Variants in DOP1A observed in about 807,000 individuals in gnomAD.
DOP1A encodes the protein protein DOP1A.
DOP1A carries 90 observed loss-of-function variants against 267.6 expected under a neutral mutation model. The observed-to-expected ratio is 0.34, with a 90% CI of 0.28 to 0.40. DOP1A has a LOEUF of 0.40. Ranked by LOEUF, DOP1A falls within the 10% of genes least tolerant of loss-of-function variation. DOP1A has a pLI of 1.00. For missense variants in DOP1A, 2,437 were observed against 2,900.4 expected, an observed-to-expected ratio of 0.84 and a Z score of 3.67; for synonymous variants, 932 against 999.1, an observed-to-expected ratio of 0.93 and a Z score of 1.27.
chr6:83,136,230 T>C (rs1778844207), intron 20 of DOP1A, among the ~76,000 whole-genome samples: 1 of 152,180 alleles, frequency 6.6e-6, no homozygotes, highest in Non-Finnish European at 1.5e-5. Context: ...AAATCTGTAA[T>C]GCACATTTTG....
chr6:83,080,842 A>G (rs9444031), intron 1 of DOP1A, among the ~76,000 whole-genome samples: 4,323 of 152,308 alleles, frequency 0.028, 152 homozygotes, highest in East Asian at 0.084. Flanking sequence ...AACAATCTAC[A>G]GATTCAATAC....
intron 31 of DOP1A, 45 bp downstream of exon 31, chr6:83,153,665 G>C: frequency 1.4e-6 from 2 of 1,451,300 alleles, no homozygotes; most frequent in Non-Finnish European, 1.9e-6. Context: ...TTCATAGCCT[G>C]TTAGAAACAA....
chr6:83,160,109 A>G (rs1020109250), intron 37 of DOP1A, 149 bp downstream of exon 37: 11 of 777,120 alleles, frequency 1.4e-5, no homozygotes, highest in Non-Finnish European at 2.2e-5. Flanking sequence ...CAGCAGAGTT[A>G]TCGGAAGTAA....
At chr6:83,103,152 T>C (rs1784736372) in intron 4 of DOP1A, among the ~76,000 whole-genome samples, 1 of 152,106 alleles carries the variant, frequency 6.6e-6, no homozygotes, top group African/African-American at 2.4e-5. Flanking sequence ...AATCTGTGAA[T>C]TGGATAAAAA....
At chr6:83,105,177 A>T (rs942364895) in intron 4 of DOP1A, among the ~76,000 whole-genome samples, 4 of 152,126 alleles carry the variant, frequency 2.6e-5, no homozygotes, top group African/African-American at 9.7e-5. Flanking sequence ...TCTTACTGTG[A>T]TTAAGTGTTC....
Position 83,094,219 on chromosome 6 carries a change from A to G in DOP1A, c.-146-2512A>G, listed in dbSNP as rs530387397. ...TTCACTTACAATGTTTTCAAGGTTC[A>G]TGCGTGTTATAGTTTGTATCACTAT... On this transcript the variant is annotated intron_variant, in intron 1 of 38. Coordinates refer to ENST00000349129, the MANE Select transcript of DOP1A (RefSeq NM_015018.4). 4.6e-4 allele frequency among the ~76,000 whole-genome samples: 70 copies of G among 152,322 alleles called. 1 individual carries two copies. The Middle Eastern group carries it at 0.01, about 22-fold the overall frequency.
At position 83,156,063 on chromosome 6, in the gene DOP1A, T is replaced by C. The variant is rs758538817; in HGVS notation, c.6564T>C (p.Ser2188=). 1 of 1,613,900 alleles carries C rather than the reference T, an allele frequency of 6.2e-7. No homozygotes were observed. The highest frequency in any genetic ancestry group is 1.3e-5 in the African/African-American group (1 of 75,056). Residue 2188 remains serine (S), a synonymous_variant, in exon 34 of 39, where the codon AGT becomes AGC. Transcript: ENST00000349129. ...LKRLAFAIFS[S]EIDQYQKYLP... ...GATTAGCATTTGCTATTTTTAGCAG[T>C]GAAATTGACCAGTACCAGAAATATC...
chr6:83,124,961 T>C, intron 13 of DOP1A, 142 bp downstream of exon 13: 1 of 863,060 alleles, frequency 1.2e-6, no homozygotes, highest in South Asian at 1.7e-5. Flanking sequence ...TTTCATAAGA[T>C]CTTTCAAGTG....
chr6:83,148,705 T>C, intron 26 of DOP1A, 54 bp from the exon 27 acceptor site: 1 of 1,197,454 alleles, frequency 8.4e-7, no homozygotes, highest in South Asian at 1.5e-5. Context: ...TTCCACAAAC[T>C]AGTAGAAAAC....
chr6:83,138,722 A>G lies in DOP1A; in HGVS notation c.4680A>G (p.Ser1560=), dbSNP rs758940984. 1.2e-6 allele frequency: 2 copies of G among 1,614,078 alleles called. No individual in the cohort carries two copies. The highest frequency in any genetic ancestry group is 2.2e-5 in the South Asian group (2 of 91,074). Residue 1560 remains serine, a synonymous_variant, in exon 21 of 39, where the codon TCA becomes TCG. Coordinates refer to ENST00000349129, the MANE Select transcript of DOP1A (RefSeq NM_015018.4). ...TGGTTGCTGTGGAAGAAGGTTTCTC[A>G]GAGGACAGCCTTATTAATTTCTCAG... ...KNLVAVEEGF[S]EDSLINFSED...
intron 5 of DOP1A, 101 bp from the exon 6 acceptor site, chr6:83,110,024 G>A: frequency 8.1e-7 from 1 of 1,236,246 alleles, no homozygotes. Context: ...ACATATGACT[G>A]TAGCATGGGT....
rs775240465 is a variant in DOP1A at position 83,155,960 on chromosome 6, C to T, written c.6461C>T (p.Ala2154Val). 2.0e-5 allele frequency: 33 copies of T among 1,611,354 alleles called. No individual in the cohort carries two copies. The highest frequency in any genetic ancestry group is 2.7e-5 in the Non-Finnish European group (32 of 1,179,368). ...TTFRDLMTRV[A>V]VAQSSSLNLF... ...TCACTTGCTTTTTCAGCTCGTGTAG[C>T]AGTGGCTCAAAGCAGTTCACTTAAT... The change falls in exon 34 of 39, where the codon GCA (alanine) becomes GTA (valine). Residue 2154 changes from alanine to valine, a missense_variant. Transcript: ENST00000349129.
At chr6:83,118,233 A>G (rs1290952820) in intron 7 of DOP1A, among the ~76,000 whole-genome samples, 2 of 152,088 alleles carry the variant, frequency 1.3e-5, no homozygotes, top group Admixed American at 6.5e-5. Flanking sequence ...CTTTTCTTCT[A>G]TTTTGATTTT....
At chr6:83,154,765 T>C (rs1024626139) in intron 33 of DOP1A, among the ~76,000 whole-genome samples, 1 of 152,154 alleles carries the variant, frequency 6.6e-6, no homozygotes, top group Non-Finnish European at 1.5e-5. Flanking sequence ...ATTGTTTTTA[T>C]AGTTTAGGAT....
intron 38 of DOP1A, chr6:83,166,643 T>C: frequency 8.9e-7 from 1 of 1,123,632 alleles, no homozygotes; most frequent in Non-Finnish European, 1.2e-6. Flanking sequence ...AAACGGCAAA[T>C]TTCAACAATG....
At chr6:83,096,623 TAAAC>T (rs1456555403) in intron 1 of DOP1A, 104 bp from the exon 2 acceptor site, 2 of 403,586 alleles carry the variant, frequency 5.0e-6, no homozygotes, top group Non-Finnish European at 8.7e-6. Flanking sequence ...AAATGTTACA[TAAAC>T]AAATATGACA....
Position 83,125,756 on chromosome 6 carries a change from G to A in DOP1A, c.1719+23G>A, listed in dbSNP as rs759137324. On this transcript the variant is annotated intron_variant, in intron 15 of 38. Transcript: ENST00000349129. ...AAGGTAATTTTAACTATTATTTTTG[G>A]TATTAGACTGTTCATATTTCTTCAA... The A allele has an allele frequency of 2.6e-6, 4 of 1,568,316 alleles. No individual in the cohort carries two copies. In the African/African-American group the frequency reaches 5.4e-5, roughly 21 times the overall value.
chr6:83,118,199 TTAAAA>T (rs1482787255), intron 7 of DOP1A, among the ~76,000 whole-genome samples: 1 of 152,200 alleles, frequency 6.6e-6, no homozygotes, highest in Non-Finnish European at 1.5e-5. Context: ...GGCAGTATTC[TTAAAA>T]TTAATAGCAA....
At position 83,108,028 on chromosome 6, in the gene DOP1A, A is replaced by G. The variant is rs181923795; in HGVS notation, c.321-882A>G. Among the ~76,000 whole-genome samples, 796 of 152,368 alleles carry G rather than the reference A, an allele frequency of 5.2e-3. 9 individuals carry two copies. Among genetic ancestry groups the G allele is most frequent in the Middle Eastern group, 0.031 (9 of 294 alleles). ...TGCTTCAGGGCAATAATGAACCAAT[A>G]CATGTTAAAACATGAAGAGCAAGAT... is the stretch of plus-strand genomic sequence containing the variant. On this transcript the variant is annotated intron_variant, in intron 4 of 38. Coordinates refer to ENST00000349129, the MANE Select transcript of DOP1A (RefSeq NM_015018.4).
Sources: allele counts gnomAD v4.1 joint callset (sites outside exome capture counted in the v4.1 genomes callset), GRCh38; gene constraint gnomAD v4.1.1; transcripts MANE v1.5; gene names NCBI Gene and HGNC (gene_info 2026-07-23, HGNC 2026-07-21).